The following RPH3A variants were observed in gnomAD, a reference collection of about 807,000 sequenced individuals.
The protein encoded by RPH3A is rabphilin 3A, also known as rabphilin-3A.
A neutral mutation model predicts 102.2 loss-of-function variants in RPH3A; 48 were observed. That is an observed-to-expected ratio of 0.47 (90% CI 0.37 to 0.60). The LOEUF (loss-of-function observed/expected upper bound fraction) is 0.60. RPH3A is among the 20% of genes least tolerant of loss of function. RPH3A has a pLI of 0.00. For missense variants in RPH3A, 781 were observed against 910.1 expected (o/e 0.86, Z 1.83); for synonymous variants, 310 against 324.3 (o/e 0.96, Z 0.47).
At chr12:112,838,444 G>A (rs1027547850) in intron 4 of RPH3A, among the ~76,000 whole-genome samples, 1 of 152,182 alleles carries the variant, frequency 6.6e-6, no homozygotes, top group Non-Finnish European at 1.5e-5. Context: ...ATACCAGCTG[G>A]GCATGGGCAA....
chr12:112,883,817 G>A (rs375748821), intron 16 of RPH3A, among the ~76,000 whole-genome samples: 32 of 152,240 alleles, frequency 2.1e-4, no homozygotes, highest in East Asian at 1.9e-3. Flanking sequence ...TTAGGCTGGT[G>A]TGAAAGTAAT....
chr12:112,669,344 A>T (rs754428361), intron 1 of RPH3A, among the ~76,000 whole-genome samples: 20 of 152,240 alleles, frequency 1.3e-4, no homozygotes, highest in Non-Finnish European at 2.2e-4. Flanking sequence ...CTCCATAAAT[A>T]TATACAATGA....
chr12:112,626,494 C>A lies in RPH3A; in HGVS notation c.-140+51175C>A, dbSNP rs1373819304. ...CACTGGCCATCAGAGAAATGCAAAT[C>A]AAAACCACTATGAGATATCATCTCA... On this transcript the variant is annotated intron_variant, in intron 1 of 21. Transcript: ENST00000543106. Among the ~76,000 whole-genome samples the A allele has an allele frequency of 3.1e-3, 330 of 107,174 alleles. 4 individuals are homozygous for A. Among genetic ancestry groups the A allele is most frequent in the African/African-American group, 0.011 (309 of 26,938 alleles). 70.3% of individuals were successfully genotyped at this position (107,174 alleles called of 152,430 possible).
At chr12:112,870,860 C>A (rs965204836) in intron 10 of RPH3A, among the ~76,000 whole-genome samples, 2 of 152,208 alleles carry the variant, frequency 1.3e-5, no homozygotes, top group African/African-American at 2.4e-5. Context: ...GAAAGAGGAA[C>A]TTCCAGATCC....
intron 21 of RPH3A, among the ~76,000 whole-genome samples, chr12:112,896,324 T>C (rs1386297420): frequency 1.3e-5 from 2 of 152,172 alleles, no homozygotes; most frequent in African/African-American, 4.8e-5. Flanking sequence ...ATGATGAACC[T>C]TTTTGGAAAT....
At chr12:112,735,239 C>T (rs747185252) in intron 1 of RPH3A, among the ~76,000 whole-genome samples, 18 of 152,294 alleles carry the variant, frequency 1.2e-4, no homozygotes, top group Middle Eastern at 6.8e-3. Flanking sequence ...GGCCAATGGC[C>T]GGATTCACTG....
Position 112,859,458 on chromosome 12 carries a change from G to A in RPH3A, c.231-5956G>A, listed in dbSNP as rs529005172. Among the ~76,000 whole-genome samples the A allele has an allele frequency of 2.6e-5, 4 of 152,318 alleles. No homozygotes were observed. In the South Asian group the frequency reaches 8.3e-4, roughly 32 times the overall value. On this transcript the variant is annotated intron_variant, in intron 5 of 21. Coordinates refer to ENST00000389385, the MANE Select transcript of RPH3A (RefSeq NM_001143854.2). Reference sequence around the variant, plus strand: ...TCCAGCTAGTTGGGTGCATTAAAGAGGGAAGTAAAAATTACCCATAACCCC... The same window carrying A: ...TCCAGCTAGTTGGGTGCATTAAAGAAGGAAGTAAAAATTACCCATAACCCC...
chr12:112,877,235 A>G (rs1267059546), intron 13 of RPH3A, among the ~76,000 whole-genome samples: 6 of 152,172 alleles, frequency 3.9e-5, no homozygotes, highest in African/African-American at 1.2e-4. Context: ...TTTCGCTCCT[A>G]GGTGTGAATT....
intron 1 of RPH3A, among the ~76,000 whole-genome samples, chr12:112,627,156 A>T (rs899311759): frequency 1.3e-5 from 2 of 148,430 alleles, no homozygotes; most frequent in East Asian, 2.0e-4. Context: ...ACATGTATAC[A>T]TATGTAACTA....
intron 5 of RPH3A, 107 bp downstream of exon 5, chr12:112,847,949 G>C: frequency 7.6e-7 from 1 of 1,314,300 alleles, no homozygotes; most frequent in Non-Finnish European, 1.0e-6. Context: ...CTGCCTCTGG[G>C]CTTTGCCATT....
intron 1 of RPH3A, among the ~76,000 whole-genome samples, chr12:112,713,051 C>CTCCTT (rs1555204011): frequency 2.0e-4 from 17 of 85,860 alleles, no homozygotes; most frequent in Admixed American, 2.9e-4. Flanking sequence ...TTCTTCTTCT[C>CTCCTT]CTTCTTCTTC....
intron 1 of RPH3A, among the ~76,000 whole-genome samples, chr12:112,651,544 T>A (rs150547584): frequency 6.6e-6 from 1 of 152,346 alleles, no homozygotes; most frequent in Non-Finnish European, 1.5e-5. Flanking sequence ...AGACTTCAAA[T>A]GCCGTGGAAT....
chr12:112,680,411 T>C (rs2040218326), intron 1 of RPH3A, among the ~76,000 whole-genome samples: 1 of 152,186 alleles, frequency 6.6e-6, no homozygotes, highest in Non-Finnish European at 1.5e-5. Context: ...GCACTTGCCA[T>C]GTGCCAGACA....
intron 2 of RPH3A, among the ~76,000 whole-genome samples, chr12:112,825,537 C>A (rs1053427095): frequency 1.3e-5 from 2 of 152,092 alleles, no homozygotes; most frequent in East Asian, 3.8e-4. Context: ...CTCTCCCCCC[C>A]TTACTCTTGG....
At position 112,756,518 on chromosome 12, in the gene RPH3A, A is replaced by T. The variant is rs1320179661; in HGVS notation, c.-139-35625A>T. On this transcript the variant is annotated intron_variant, in intron 1 of 21. Coordinates refer to the RPH3A transcript ENST00000543106. ...TGAGCCCACACTTTTTAAAATTAAA[A>T]TTTTTTTACCCTACTTGCAAGCTAA... Among the ~76,000 whole-genome samples, 7 of 152,106 alleles carry T rather than the reference A, an allele frequency of 4.6e-5. No homozygotes were observed. In the South Asian group the frequency reaches 8.3e-4, roughly 18 times the overall value.
intron 2 of RPH3A, among the ~76,000 whole-genome samples, chr12:112,804,428 C>G (rs562084318): frequency 1.3e-5 from 2 of 152,358 alleles, no homozygotes; most frequent in African/African-American, 4.8e-5. Context: ...ACAGTGCTTG[C>G]TTCCCAGAGG....
Position 112,582,281 on chromosome 12 carries a change from TG to T in RPH3A, c.-140+6963del, listed in dbSNP as rs1414566413. ...ATTTTTTAGAGATACGTTCTCATTC[TG>T]TTACCCAGGTTGGAGTGCAGTGGTG... On this transcript the variant is annotated intron_variant, in intron 1 of 21. Coordinates refer to the RPH3A transcript ENST00000543106. 2.0e-5 allele frequency among the ~76,000 whole-genome samples: 3 copies of T among 147,134 alleles called. 1 individual carries two copies. The highest frequency in any genetic ancestry group is 7.6e-5 in the African/African-American group (3 of 39,530).
At chr12:112,691,608 A>T (rs1040486651) in intron 1 of RPH3A, among the ~76,000 whole-genome samples, 1 of 152,206 alleles carries the variant, frequency 6.6e-6, no homozygotes, top group African/African-American at 2.4e-5. Context: ...TCCTAGCTCA[A>T]CTGGACACTA....
At chr12:112,711,777 T>C (rs2040464190) in intron 1 of RPH3A, among the ~76,000 whole-genome samples, 1 of 152,192 alleles carries the variant, frequency 6.6e-6, no homozygotes, top group African/African-American at 2.4e-5. Context: ...GGGAGAATGC[T>C]GCATCTGTCC....
Sources: allele counts gnomAD v4.1 joint callset (sites outside exome capture counted in the v4.1 genomes callset), GRCh38; gene constraint gnomAD v4.1.1; transcripts MANE v1.5; gene names NCBI Gene and HGNC (gene_info 2026-07-23, HGNC 2026-07-21).